Variants in GINS4 observed in about 807,000 individuals in gnomAD.
GINS4 encodes GINS complex subunit 4.
In GINS4, 20 loss-of-function variants were observed where a neutral mutation model predicts 31.1. That is an observed-to-expected ratio of 0.64 (90% CI 0.45 to 0.93). The LOEUF (loss-of-function observed/expected upper bound fraction) is 0.93, where lower values mean the gene tolerates loss of function less well. GINS4 is among the 40% of genes least tolerant of loss of function. GINS4 has a pLI of 0.00. For missense variants in GINS4, 245 were observed against 273.9 expected, an observed-to-expected ratio of 0.89 and a Z score of 0.75; for synonymous variants, 85 against 97.9, an observed-to-expected ratio of 0.87 and a Z score of 0.78.
chr8:41,537,377 GC>G, intron 4 of GINS4, 84 bp downstream of exon 4: 2 of 968,192 alleles, frequency 2.1e-6, no homozygotes, highest in South Asian at 1.4e-5. Context: ...TTGGGCTGGG[GC>G]CCAGGAGGGT....
chr8:41,533,601 C>G (rs1806686912), intron 2 of GINS4, among the ~76,000 whole-genome samples: 1 of 152,212 alleles, frequency 6.6e-6, no homozygotes, highest in Non-Finnish European at 1.5e-5. Context: ...AAGGGACAGC[C>G]TGACAGGGCT....
chr8:41,539,319 C>CAAAA (rs36097557), intron 4 of GINS4, among the ~76,000 whole-genome samples: 80 of 55,688 alleles, frequency 1.4e-3, no homozygotes, highest in Middle Eastern at 0.01. Flanking sequence ...GACTCCATCT[C>CAAAA]AAAAAAAAAA....
chr8:41,539,319 CAAAAAAAAA>C (rs36097557), intron 4 of GINS4, among the ~76,000 whole-genome samples: 5 of 55,766 alleles, frequency 9.0e-5, no homozygotes, highest in South Asian at 8.9e-4. Context: ...GACTCCATCT[CAAAAAAAAA>C]AAAAAAAAAA....
In GINS4 at chr8:41,536,382, C is replaced by T; in HGVS notation, c.119C>T (p.Ala40Val). 2 of 1,610,200 alleles carry T rather than the reference C, an allele frequency of 1.2e-6. No homozygotes were observed. Among genetic ancestry groups the T allele is most frequent in the Non-Finnish European group, 1.7e-6 (2 of 1,176,496 alleles). The change falls in exon 3 of 8, where the codon GCC (alanine) becomes GTC (valine). Residue 40 changes from alanine (A) to valine (V), a missense_variant. Transcript: ENST00000276533. ...TAGGCCTGGATGAATGAAAAGTTTG[C>T]CCCTGAGCTGCTGGAGAGCAAGCCT... Reference protein sequence around the residue: ...LEQAWMNEKFAPELLESKPEI... With the variant: ...LEQAWMNEKFVPELLESKPEI...
rs1037180272 is a variant in GINS4, at chr8:41,542,193, C to T, written c.*106C>T. On this transcript the variant is annotated 3_prime_UTR_variant, in exon 8 of 8. Transcript: ENST00000276533. ...GGTCAGGAGTTCGAGACCAACCGACCAACATGGTGAAACCCCATCTTTACT... is the reference window on the plus strand; with the variant it reads ...GGTCAGGAGTTCGAGACCAACCGACTAACATGGTGAAACCCCATCTTTACT... 16 of 787,332 alleles carry T rather than the reference C, an allele frequency of 2.0e-5. No homozygotes were observed. The highest frequency in any genetic ancestry group is 3.6e-5 in the Non-Finnish European group (16 of 444,124). 48.8% of individuals were successfully genotyped at this position (787,332 alleles called of 1,614,324 possible). A position where few individuals can be genotyped will look rare whatever the true frequency, so the allele number is the denominator to read the frequency against.
Position 41,542,367 on chromosome 8 carries a change from G to T in GINS4, c.*280G>T. Reference sequence around the variant, plus strand: ...CCATTGCACTCCAGCCTGGGTGACAGTGAGACTTTGTCTCAAAAAAAAAAA... The same window carrying T: ...CCATTGCACTCCAGCCTGGGTGACATTGAGACTTTGTCTCAAAAAAAAAAA... On this transcript the variant is annotated 3_prime_UTR_variant, in exon 8 of 8. Transcript: ENST00000276533. 1.4e-5 allele frequency: 5 copies of T among 353,610 alleles called. No individual in the cohort carries two copies. Among genetic ancestry groups the T allele is most frequent in the Non-Finnish European group, 1.6e-5 (3 of 189,890 alleles). 21.9% of individuals were successfully genotyped at this position (353,610 alleles called of 1,614,324 possible).
rs772904993 is a variant in GINS4, at chr8:41,535,552, G to A, written c.97-808G>A. On this transcript the variant is annotated intron_variant, in intron 2 of 7. Transcript: ENST00000276533. ...CCAGCATTTGGTAATGTGTCTTGAC[G>A]GTGATCATGGGGAGAAGCAGACACT... is the stretch of plus-strand genomic sequence containing the variant. Among the ~76,000 whole-genome samples, 20 of 152,142 alleles carry A rather than the reference G, an allele frequency of 1.3e-4. No homozygotes were observed. The East Asian group carries it at 1.5e-3, about 12-fold the overall frequency.
At chr8:41,536,096 G>A (rs998529234) in intron 2 of GINS4, among the ~76,000 whole-genome samples, 10 of 152,164 alleles carry the variant, frequency 6.6e-5, no homozygotes, top group African/African-American at 1.9e-4. Context: ...AGCACCAAGC[G>A]TCACACTAAC....
rs568487458 is a variant in GINS4, at chr8:41,534,662, T to C, written c.97-1698T>C. Among the ~76,000 whole-genome samples, 6 of 152,234 alleles carry C rather than the reference T, an allele frequency of 3.9e-5. No individual in the cohort carries two copies. The South Asian group carries it at 1.2e-3, about 32-fold the overall frequency. On this transcript the variant is annotated intron_variant, in intron 2 of 7. Coordinates refer to ENST00000276533, the MANE Select transcript of GINS4 (RefSeq NM_032336.3). ...TGTTCTACAGAGATATGAACAAATG[T>C]AGTGAGACCATAAAGAAAATTCAAC...
At chr8:41,533,900 G>A (rs760116193) in intron 2 of GINS4, among the ~76,000 whole-genome samples, 2 of 152,058 alleles carry the variant, frequency 1.3e-5, no homozygotes, top group East Asian at 1.9e-4. Context: ...CTTCCCTCTC[G>A]TGTGTGTCTG....
chr8:41,536,336 C>T, intron 2 of GINS4, 24 bp from the exon 3 acceptor site: 1 of 1,504,206 alleles, frequency 6.6e-7, no homozygotes, highest in Non-Finnish European at 9.3e-7. Flanking sequence ...GTGATGCTTG[C>T]TTTTTCTGGC....
intron 1 of GINS4, 105 bp from the exon 2 acceptor site, chr8:41,530,079 A>G: frequency 1.4e-6 from 1 of 695,008 alleles, no homozygotes; most frequent in South Asian, 2.0e-5. Context: ...GGCCTCTACA[A>G]CCCCAGGAAA....
chr8:41,541,154 T>G (rs2150461888), intron 6 of GINS4, among the ~76,000 whole-genome samples: 1 of 152,088 alleles, frequency 6.6e-6, no homozygotes, highest in East Asian at 1.9e-4. Flanking sequence ...ACTGCAGCCT[T>G]GAACTCCTGG....
At position 41,543,702 on chromosome 8, in the gene GINS4, CTTT is replaced by C; in HGVS notation, c.*1625_*1627del. ...ATCAGTAGGGGAAAGCAAGGGAGGT[CTTT>C]TTTTTTTTTCTTTTTTGAGACGGAG... On this transcript the variant is annotated 3_prime_UTR_variant, in exon 8 of 8. Transcript: ENST00000276533. 1 of 145,636 alleles carries C rather than the reference CTTT, an allele frequency of 6.9e-6. No individual in the cohort carries two copies. Among genetic ancestry groups the C allele is most frequent in the Non-Finnish European group, 1.5e-5 (1 of 65,954 alleles). The allele number at this position is 145,636 out of a possible 1,614,324, so 9.0% of individuals were successfully genotyped here.
In GINS4 at chr8:41,539,697, A is replaced by G. The variant is rs999237925; in HGVS notation, c.317A>G (p.His106Arg). 10 of 1,613,220 alleles carry G rather than the reference A, an allele frequency of 6.2e-6. No individual in the cohort carries two copies. The highest frequency in any genetic ancestry group is 8.5e-6 in the Non-Finnish European group (10 of 1,179,490). ...TCACAGATAGAGAAGTTTTTCCCTC[A>G]TGTCCTTGAGAAGGAAAAAACACGT... ...RLMKIEKFFP[H>R]VLEKEKTRPE... Residue 106 changes from histidine (H) to arginine (R), a missense_variant, in exon 5 of 8, where the codon CAT becomes CGT. Physicochemically the swap from His to Arg is conservative, Grantham distance 29. Coordinates refer to ENST00000276533, the MANE Select transcript of GINS4 (RefSeq NM_032336.3).
chr8:41,533,223 A>T (rs1806678817), intron 2 of GINS4, among the ~76,000 whole-genome samples: 1 of 152,218 alleles, frequency 6.6e-6, no homozygotes, highest in African/African-American at 2.4e-5. Flanking sequence ...TGAGCTGCCA[A>T]AGAAACACTT....
chr8:41,531,994 A>G (rs1414911223), intron 2 of GINS4, among the ~76,000 whole-genome samples: 1 of 152,044 alleles, frequency 6.6e-6, no homozygotes, highest in Non-Finnish European at 1.5e-5. Flanking sequence ...GTTTCACCAT[A>G]TTGGGTTTCG....
Position 41,539,652 on chromosome 8 carries a change from A to C in GINS4, c.298-26A>C, listed in dbSNP as rs758344747. ...CTCTTTGACTTTTGCCAATGTTTTC[A>C]TGAAGATTTTGCTTTATCCTCACAG... On this transcript the variant is annotated intron_variant, in intron 4 of 7. Coordinates refer to ENST00000276533, the MANE Select transcript of GINS4 (RefSeq NM_032336.3). 4 of 1,498,314 alleles carry C rather than the reference A, an allele frequency of 2.7e-6. No homozygotes were observed. The East Asian group carries it at 6.8e-5, about 25-fold the overall frequency. 92.8% of individuals were successfully genotyped at this position (1,498,314 alleles called of 1,614,324 possible). A position where few individuals can be genotyped will look rare whatever the true frequency, so the allele number is the denominator to read the frequency against.
chr8:41,542,160 G>T lies in GINS4; in HGVS notation c.*73G>T. 1 of 1,117,662 alleles carries T rather than the reference G, an allele frequency of 8.9e-7. No homozygotes were observed. Among genetic ancestry groups the T allele is most frequent in the Non-Finnish European group, 1.4e-6 (1 of 731,560 alleles). The allele number at this position is 1,117,662 out of a possible 1,614,324, so 69.2% of individuals were successfully genotyped here. ...GCACTTTGGGAGGCCGAGGCGGGCG[G>T]ATCATGAGGTCAGGAGTTCGAGACC... is the stretch of plus-strand genomic sequence containing the variant. On this transcript the variant is annotated 3_prime_UTR_variant, in exon 8 of 8. Coordinates refer to ENST00000276533, the MANE Select transcript of GINS4 (RefSeq NM_032336.3).
Sources: allele counts gnomAD v4.1 joint callset (sites outside exome capture counted in the v4.1 genomes callset), GRCh38; gene constraint gnomAD v4.1.1; transcripts MANE v1.5; gene names NCBI Gene and HGNC (gene_info 2026-07-23, HGNC 2026-07-21).